Variants in COL11A1 observed in about 807,000 individuals in gnomAD.
COL11A1 encodes the protein collagen type XI alpha 1 chain.
In COL11A1, 74 loss-of-function variants were observed where a neutral mutation model predicts 265.2. The observed-to-expected ratio is 0.28, with a 90% CI of 0.23 to 0.34. The LOEUF (loss-of-function observed/expected upper bound fraction) is 0.34. COL11A1 is among the 10% of genes least tolerant of loss of function. COL11A1 has a pLI of 1.00. For missense variants in COL11A1, 2,165 were observed against 2,263.6 expected (o/e 0.96, Z 0.88); for synonymous variants, 816 against 727.6 (o/e 1.12, Z -1.96).
intron 13 of COL11A1, 96 bp from the exon 14 acceptor site, chr1:103,012,565 T>C (rs1310039746): frequency 1.0e-5 from 9 of 875,112 alleles, no homozygotes; most frequent in African/African-American, 3.3e-5. Flanking sequence ...AAGTAATACA[T>C]GATCAACACA....
At chr1:102,983,918 C>T (rs568915005) in intron 31 of COL11A1, among the ~76,000 whole-genome samples, 6 of 152,162 alleles carry the variant, frequency 3.9e-5, no homozygotes, top group African/African-American at 1.2e-4. Flanking sequence ...ATTATGCCTT[C>T]GTTTCATGAT....
At chr1:102,887,782 G>A (rs1651188828) in intron 62 of COL11A1, among the ~76,000 whole-genome samples, 2 of 152,086 alleles carry the variant, frequency 1.3e-5, no homozygotes, top group Admixed American at 1.3e-4. Flanking sequence ...TCCAATATAA[G>A]TGATATTCTT....
intron 2 of COL11A1, 121 bp downstream of exon 2, chr1:103,082,684 C>T: frequency 1.2e-6 from 1 of 838,602 alleles, no homozygotes; most frequent in Non-Finnish European, 1.8e-6. Context: ...CATATAATTG[C>T]ACATTATCTA....
In COL11A1 at chr1:103,031,198, T is replaced by C. The variant is rs141304474; in HGVS notation, c.698A>G (p.Tyr233Cys). ...FLITGDPKAA[Y>C]DYCEHYSPDC... ...TGGACTATAATGCTCACAGTAGTCA[T>C]ATGCTGCCTTGGGATCACCTGTGAT... The change falls in exon 5 of 67, where the codon TAT becomes TGT. Residue 233 changes from tyrosine to cysteine, a missense_variant. By Grantham distance (194) the Tyr-to-Cys change is radical. Transcript: ENST00000370096. The C allele has an allele frequency of 1.8e-4, 296 of 1,610,554 alleles. No homozygotes were observed. Among genetic ancestry groups the C allele is most frequent in the Admixed American group, 2.5e-4 (15 of 59,834 alleles).
chr1:102,993,063 T>G (rs570319277), intron 28 of COL11A1, among the ~76,000 whole-genome samples: 2 of 152,264 alleles, frequency 1.3e-5, no homozygotes, highest in South Asian at 4.1e-4. Flanking sequence ...CTAGCAAGTT[T>G]CAGCAGTTAA....
rs2100857470 is a variant in COL11A1, at chr1:102,889,466, T to C, written c.4453A>G (p.Lys1485Glu). 6.2e-7 allele frequency: 1 copy of C among 1,612,958 alleles called. No homozygotes were observed. The highest frequency in any genetic ancestry group is 8.5e-7 in the Non-Finnish European group (1 of 1,179,422). Residue 1485 changes from lysine to glutamate, a missense_variant, in exon 59 of 67, where the codon AAA (lysine) becomes GAA (glutamate). Coordinates refer to ENST00000370096, the MANE Select transcript of COL11A1 (RefSeq NM_001854.4). Reference protein sequence around the residue: ...LPGTQGSPGAKGDGGIPGPAG... With the variant: ...LPGTQGSPGAEGDGGIPGPAG... ...ATATTTTTACTCACCCCATCCCCTT[T>C]TGCTCCTGGAGATCCTTGAGTTCCA... is the stretch of plus-strand genomic sequence containing the variant.
intron 30 of COL11A1, among the ~76,000 whole-genome samples, chr1:102,986,803 T>C (rs1408126173): frequency 6.6e-6 from 1 of 152,124 alleles, no homozygotes; most frequent in Non-Finnish European, 1.5e-5. Context: ...GCAAATCTTT[T>C]TGACGCAACA....
intron 24 of COL11A1, 61 bp downstream of exon 24, chr1:103,001,864 G>A (rs1022286655): frequency 1.3e-6 from 2 of 1,490,384 alleles, no homozygotes; most frequent in Non-Finnish European, 1.9e-6. Flanking sequence ...CCTTATACCT[G>A]CCTAAGATTG....
At chr1:102,986,667 T>G (rs1214945588) in intron 30 of COL11A1, among the ~76,000 whole-genome samples, 1 of 152,190 alleles carries the variant, frequency 6.6e-6, no homozygotes, top group African/African-American at 2.4e-5. Context: ...CTTTAGTGTA[T>G]ATAATGTAAT....
chr1:102,912,060 A>G (rs1229480828), intron 54 of COL11A1, 99 bp downstream of exon 54: 2 of 990,446 alleles, frequency 2.0e-6, no homozygotes, highest in African/African-American at 1.7e-5. Context: ...ATTTCTCATT[A>G]TTCTTATAAC....
chr1:102,979,085 C>T lies in COL11A1; in HGVS notation c.2630G>A (p.Gly877Asp). ...CGTTGGACCACGCTGACCCCGAGGGCCTGGTTTGCCAGCTACTCCCTAGCA... is the reference window on the plus strand; with the variant it reads ...CGTTGGACCACGCTGACCCCGAGGGTCTGGTTTGCCAGCTACTCCCTAGCA... ...KGARGVAGKPGPRGQRGPTGP... is the reference protein window; with the variant it reads ...KGARGVAGKPDPRGQRGPTGP... Residue 877 changes from glycine (G) to aspartate (D), a missense_variant, in exon 33 of 67, where the codon GGC becomes GAC. By Grantham distance (94) the Gly-to-Asp change is moderately conservative (BLOSUM62 -1). Coordinates refer to ENST00000370096, the MANE Select transcript of COL11A1 (RefSeq NM_001854.4). 6.2e-7 allele frequency: 1 copy of T among 1,614,102 alleles called. No individual in the cohort carries two copies.
intron 4 of COL11A1, among the ~76,000 whole-genome samples, chr1:103,065,286 C>T (rs753061471): frequency 5.7e-4 from 86 of 152,008 alleles, no homozygotes; most frequent in Middle Eastern, 3.4e-3. Flanking sequence ...TTTGGGAGGC[C>T]GAGGCGGGAG....
At chr1:102,965,680 G>T in intron 37 of COL11A1, 140 bp from the exon 38 acceptor site, 1 of 662,472 alleles carries the variant, frequency 1.5e-6, no homozygotes, top group South Asian at 1.9e-5. Context: ...GCTTAAATAT[G>T]TTTAATATGT....
intron 57 of COL11A1, among the ~76,000 whole-genome samples, chr1:102,896,711 C>G (rs1652481728): frequency 6.6e-6 from 1 of 152,154 alleles, no homozygotes; most frequent in African/African-American, 2.4e-5. Context: ...TATGCCAAAT[C>G]AGGTGGTATG....
chr1:102,914,604 C>T, intron 51 of COL11A1, 100 bp downstream of exon 51: 2 of 1,000,570 alleles, frequency 2.0e-6, no homozygotes, highest in Non-Finnish European at 1.5e-6. Flanking sequence ...TCAGATTTAC[C>T]ATCTATGTTC....
chr1:103,049,238 C>A (rs10874673), intron 4 of COL11A1, among the ~76,000 whole-genome samples: 101,533 of 151,830 alleles, frequency 0.67, 35,948 homozygotes, highest in East Asian at 0.92. Flanking sequence ...GAGTCTAAGT[C>A]TCTTTGTAGG....
chr1:102,968,698 A>C (rs908767688), intron 37 of COL11A1, among the ~76,000 whole-genome samples: 2 of 152,218 alleles, frequency 1.3e-5, no homozygotes, highest in Non-Finnish European at 2.9e-5. Flanking sequence ...CTATTCCCTT[A>C]AAGTGGATGT....
chr1:103,070,577 T>C (rs1388731367), intron 4 of COL11A1, among the ~76,000 whole-genome samples: 2 of 151,894 alleles, frequency 1.3e-5, no homozygotes, highest in African/African-American at 4.8e-5. Flanking sequence ...AAAAAGATGA[T>C]AAGGAATCTC....
chr1:103,055,392 T>C (rs545567167), intron 4 of COL11A1, among the ~76,000 whole-genome samples: 4 of 152,234 alleles, frequency 2.6e-5, no homozygotes, highest in Non-Finnish European at 4.4e-5. Context: ...AAAGATAGTA[T>C]TTAGAGAAAT....
Sources: allele counts gnomAD v4.1 joint callset (sites outside exome capture counted in the v4.1 genomes callset), GRCh38; gene constraint gnomAD v4.1.1; transcripts MANE v1.5; gene names NCBI Gene and HGNC (gene_info 2026-07-23, HGNC 2026-07-21).